KAZN: variants seen among roughly 807,000 people sequenced by gnomAD.
KAZN encodes kazrin.
In KAZN, 40 loss-of-function variants were observed where a neutral mutation model predicts 87.4. That is an observed-to-expected ratio of 0.46 (90% CI 0.36 to 0.60). The LOEUF (loss-of-function observed/expected upper bound fraction) is 0.60. KAZN is among the 20% of genes least tolerant of loss of function. The pLI is 0.00. For missense variants in KAZN, 898 were observed against 1,073.9 expected (o/e 0.84, Z 2.29); for synonymous variants, 466 against 458.3 (o/e 1.02, Z -0.22).
Position 14,598,784 on chromosome 1 carries a change from C to A in KAZN, c.-214C>A, listed in dbSNP as rs987910572. On this transcript the variant is annotated 5_prime_UTR_variant, in exon 1 of 15. Transcript: ENST00000376030. This position sits in a 1 kb window ranked among gnomAD's most constrained non-coding sequence, Gnocchi z 4.2. Reference sequence around the variant, plus strand: ...CTTTTTTCTCCTCCGCCTCCTCCCCCCGCCGCCTCGCCACCGCCGCGGCTA... The same window carrying A: ...CTTTTTTCTCCTCCGCCTCCTCCCCACGCCGCCTCGCCACCGCCGCGGCTA... 1.5e-6 allele frequency: 2 copies of A among 1,351,694 alleles called. No homozygotes were observed. The highest frequency in any genetic ancestry group is 1.9e-6 in the Non-Finnish European group (2 of 1,057,208). 83.7% of individuals were successfully genotyped at this position (1,351,694 alleles called of 1,614,324 possible).
intron 1 of KAZN, among the ~76,000 whole-genome samples, chr1:13,980,841 C>T (rs917439040): frequency 2.0e-5 from 3 of 151,714 alleles, no homozygotes; most frequent in Non-Finnish European, 2.9e-5. Flanking sequence ...AAATGATTGG[C>T]GGTTGGAGTA....
chr1:14,512,370 C>T (rs1670952346), intron 2 of KAZN, among the ~76,000 whole-genome samples: 1 of 152,034 alleles, frequency 6.6e-6, no homozygotes, highest in South Asian at 2.1e-4. Context: ...TTTGGCAGCA[C>T]CCCTGGCCTC....
At chr1:14,175,241 C>T (rs1425506534) in intron 1 of KAZN, among the ~76,000 whole-genome samples, 14 of 152,188 alleles carry the variant, frequency 9.2e-5, no homozygotes, top group African/African-American at 3.4e-4. Context: ...GTAGCTGGGA[C>T]TACAGGCGCC....
intron 1 of KAZN, among the ~76,000 whole-genome samples, chr1:14,135,562 T>C (rs573106237): frequency 2.0e-5 from 3 of 152,214 alleles, no homozygotes; most frequent in African/African-American, 7.2e-5. Flanking sequence ...TTAACAAGTA[T>C]CTCGAACGGC....
At chr1:14,051,487 T>G (rs1642326315) in intron 1 of KAZN, among the ~76,000 whole-genome samples, 1 of 152,206 alleles carries the variant, frequency 6.6e-6, no homozygotes, top group Non-Finnish European at 1.5e-5. Flanking sequence ...AGTAATATGT[T>G]TGCATCATGC....
In KAZN at chr1:15,099,874, A is replaced by G. The variant is rs962946884; in HGVS notation, c.1548-1669A>G. Among the ~76,000 whole-genome samples, 1 of 152,120 alleles carries G rather than the reference A, an allele frequency of 6.6e-6. No individual in the cohort carries two copies. Among genetic ancestry groups the G allele is most frequent in the African/African-American group, 2.4e-5 (1 of 41,434 alleles). On this transcript the variant is annotated intron_variant, in intron 10 of 14. Coordinates refer to ENST00000376030, the MANE Select transcript of KAZN (RefSeq NM_201628.3). The surrounding 1 kb of genome is among the most constrained non-coding windows in gnomAD (Gnocchi z 5.4). ...CAGCTTAGAGCTGGGAAAGGAGAGAAGTGGACAGAGGATGCACTGACCAGA... is the reference window on the plus strand; with the variant it reads ...CAGCTTAGAGCTGGGAAAGGAGAGAGGTGGACAGAGGATGCACTGACCAGA...
rs182723041 is a variant in KAZN at position 14,729,223 on chromosome 1, G to C, written c.226+130000G>C. On this transcript the variant is annotated intron_variant, in intron 1 of 14. Coordinates refer to ENST00000376030, the MANE Select transcript of KAZN (RefSeq NM_201628.3). Reference sequence around the variant, plus strand: ...GGGACAGCAAAGAAATGGGGAAAAGGCCAGGCTGTCTTCGGCTTCACAGTG... The same window carrying C: ...GGGACAGCAAAGAAATGGGGAAAAGCCCAGGCTGTCTTCGGCTTCACAGTG... Among the ~76,000 whole-genome samples, 7 of 152,288 alleles carry C rather than the reference G, an allele frequency of 4.6e-5. No individual in the cohort carries two copies. In the East Asian group the frequency reaches 9.7e-4, roughly 21 times the overall value.
At chr1:14,162,012 A>C (rs918758564) in intron 1 of KAZN, among the ~76,000 whole-genome samples, 1 of 152,234 alleles carries the variant, frequency 6.6e-6, no homozygotes, top group African/African-American at 2.4e-5. Flanking sequence ...ACCACACAGA[A>C]ATTGCTGGAC....
intron 1 of KAZN, among the ~76,000 whole-genome samples, chr1:14,772,078 G>A (rs902693777): frequency 3.3e-5 from 5 of 152,102 alleles, no homozygotes; most frequent in African/African-American, 7.2e-5. Context: ...GACCTTGATC[G>A]GGTCCTAATG....
chr1:14,883,363 G>GAGAGA (rs1653636717), intron 1 of KAZN, among the ~76,000 whole-genome samples: 1 of 62,264 alleles, frequency 1.6e-5, no homozygotes, highest in Admixed American at 1.8e-4. Context: ...AGAAAAGAAA[G>GAGAGA]AAAGAAAGAA....
intron 2 of KAZN, among the ~76,000 whole-genome samples, chr1:15,029,756 C>A (rs905873621): frequency 6.6e-6 from 1 of 152,182 alleles, no homozygotes; most frequent in Non-Finnish European, 1.5e-5. Flanking sequence ...AGAGCCTAGG[C>A]GGGCAGGGGT....
chr1:13,974,831 A>G (rs1336713653), intron 1 of KAZN, among the ~76,000 whole-genome samples: 1 of 152,168 alleles, frequency 6.6e-6, no homozygotes, highest in Non-Finnish European at 1.5e-5. Flanking sequence ...CCAGAAAACC[A>G]CTACACCAGC....
intron 8 of KAZN, among the ~76,000 whole-genome samples, chr1:15,075,046 G>A (rs1332181753): frequency 6.6e-6 from 1 of 152,180 alleles, no homozygotes; most frequent in Non-Finnish European, 1.5e-5. Context: ...GCCCAGGTAA[G>A]TTCAGCAATT....
chr1:14,456,821 T>G (rs1320641378), intron 2 of KAZN, among the ~76,000 whole-genome samples: 1 of 152,182 alleles, frequency 6.6e-6, no homozygotes, highest in Non-Finnish European at 1.5e-5. Context: ...GGCTCACACC[T>G]GTAATCCCAG....
intron 1 of KAZN, among the ~76,000 whole-genome samples, chr1:14,827,487 T>C (rs994069918): frequency 1.3e-5 from 2 of 152,128 alleles, no homozygotes; most frequent in Non-Finnish European, 2.9e-5. Flanking sequence ...AGCCTCCACT[T>C]ATGAGTGAGA....
At chr1:15,034,170 T>G (rs1346368513) in intron 2 of KAZN, among the ~76,000 whole-genome samples, 4 of 152,270 alleles carry the variant, frequency 2.6e-5, no homozygotes, top group African/African-American at 9.6e-5. Context: ...TGTCCTTTAC[T>G]TTCTTGATGA....
chr1:14,384,024 C>G (rs1571468654), intron 2 of KAZN, among the ~76,000 whole-genome samples: 1 of 151,986 alleles, frequency 6.6e-6, no homozygotes, highest in East Asian at 1.9e-4. Flanking sequence ...TTGAAGAGGT[C>G]CTTCACATCC....
chr1:13,916,226 C>T (rs1228959005), intron 1 of KAZN, among the ~76,000 whole-genome samples: 10 of 152,164 alleles, frequency 6.6e-5, no homozygotes, highest in East Asian at 1.9e-4. Context: ...CCACACCAGC[C>T]GCATATGAAG....
At chr1:15,076,843 C>G (rs558503768) in intron 8 of KAZN, among the ~76,000 whole-genome samples, 1 of 152,254 alleles carries the variant, frequency 6.6e-6, no homozygotes, top group African/African-American at 2.4e-5. Flanking sequence ...GATCAGCACC[C>G]ACTGCAAACA....
Sources: gnomAD v4.1 joint callset for allele counts (sites outside exome capture counted in the v4.1 genomes callset) on GRCh38, gnomAD v4.1.1 for gene constraint, Gnocchi (gnomAD v3.1) non-coding constraint, MANE v1.5 for transcripts, NCBI Gene and HGNC (gene_info 2026-07-23, HGNC 2026-07-21) for gene names.